The following LRP1B variants were observed in gnomAD, a reference collection of about 807,000 sequenced individuals.
LRP1B encodes the protein low-density lipoprotein receptor-related protein 1B.
In LRP1B, 217 loss-of-function variants were observed where a neutral mutation model predicts 556.6. The observed-to-expected ratio is 0.39, with a 90% CI of 0.35 to 0.44. The LOEUF (loss-of-function observed/expected upper bound fraction) is 0.44, where lower values mean the gene tolerates loss of function less well. LRP1B is among the 20% of genes least tolerant of loss of function. The pLI is 1.00. For missense variants in LRP1B, 5,053 were observed against 5,620.8 expected, an observed-to-expected ratio of 0.90 and a Z score of 3.23; for synonymous variants, 2,047 against 1,865.8, an observed-to-expected ratio of 1.10 and a Z score of -2.50.
At chr2:140,825,913 T>C (rs59101965) in intron 31 of LRP1B, among the ~76,000 whole-genome samples, 70,995 of 152,034 alleles carry the variant, frequency 0.47, 18,256 homozygotes, top group East Asian at 0.58. Flanking sequence ...AATCAAATAC[T>C]GTCTTGGGTG....
intron 21 of LRP1B, among the ~76,000 whole-genome samples, chr2:140,916,741 T>C (rs1388310459): frequency 1.3e-5 from 2 of 152,232 alleles, no homozygotes; most frequent in Admixed American, 1.3e-4. Context: ...ACCTTCTCAG[T>C]CATTCTTCCT....
chr2:140,396,668 A>G (rs1185785190), intron 66 of LRP1B, among the ~76,000 whole-genome samples: 3 of 152,240 alleles, frequency 2.0e-5, no homozygotes, highest in African/African-American at 7.2e-5. Flanking sequence ...AGTAAACACT[A>G]TTTAATAGCT....
chr2:142,055,030 C>T (rs1056035531), intron 1 of LRP1B, among the ~76,000 whole-genome samples: 5 of 152,088 alleles, frequency 3.3e-5, no homozygotes, highest in Admixed American at 1.3e-4. Context: ...TCATTCATTC[C>T]GTCTTTGCCT....
chr2:140,485,906 T>G (rs1476492120), intron 58 of LRP1B, among the ~76,000 whole-genome samples: 2 of 150,700 alleles, frequency 1.3e-5, no homozygotes, highest in African/African-American at 4.9e-5. Context: ...TTATTTTTCT[T>G]TAACCAGTTT....
chr2:141,348,343 A>G (rs1688325906), intron 3 of LRP1B, among the ~76,000 whole-genome samples: 1 of 152,042 alleles, frequency 6.6e-6, no homozygotes, highest in African/African-American at 2.4e-5. Flanking sequence ...ATTATTTCAC[A>G]GTTTTAAAAT....
At chr2:140,642,501 C>T (rs1404482428) in intron 41 of LRP1B, among the ~76,000 whole-genome samples, 2 of 152,074 alleles carry the variant, frequency 1.3e-5, no homozygotes, top group African/African-American at 4.8e-5. Context: ...TCAGCACCTA[C>T]TGAGATGAAA....
chr2:140,924,883 C>A lies in LRP1B; in HGVS notation c.3137-1736G>T, dbSNP rs542229715. Among the ~76,000 whole-genome samples, 22 of 152,098 alleles carry A rather than the reference C, an allele frequency of 1.4e-4. No individual in the cohort carries two copies. The South Asian group carries it at 4.1e-3, about 29-fold the overall frequency. On this transcript the variant is annotated intron_variant, in intron 20 of 90. Coordinates refer to ENST00000389484, the MANE Select transcript of LRP1B (RefSeq NM_018557.3). The stretch of plus-strand genomic sequence containing the variant: ...GAGATATATATAAAATGTGATATAG[C>A]AATTTCCCACCATATTTATTTAGTG...
At chr2:141,257,022 A>T (rs1684490672) in intron 3 of LRP1B, among the ~76,000 whole-genome samples, 1 of 152,078 alleles carries the variant, frequency 6.6e-6, no homozygotes, top group Admixed American at 6.6e-5. Context: ...AAAGTACATA[A>T]GTGAAGAACC....
chr2:140,253,933 G>A (rs1681563618), intron 86 of LRP1B, among the ~76,000 whole-genome samples: 1 of 152,058 alleles, frequency 6.6e-6, no homozygotes, highest in Non-Finnish European at 1.5e-5. Flanking sequence ...CAAGATGAAG[G>A]CCAGTTCCAA....
At chr2:140,373,542 T>C (rs1325025348) in intron 68 of LRP1B, among the ~76,000 whole-genome samples, 1 of 152,126 alleles carries the variant, frequency 6.6e-6, no homozygotes, top group East Asian at 1.9e-4. Flanking sequence ...TCTGAGAGTA[T>C]CATTATTCAG....
intron 84 of LRP1B, among the ~76,000 whole-genome samples, chr2:140,282,334 T>A (rs1682948926): frequency 6.6e-6 from 1 of 151,802 alleles, no homozygotes; most frequent in African/African-American, 2.4e-5. Context: ...TTAGATGGTG[T>A]TACCCTCTTT....
At chr2:141,224,013 A>G (rs535856190) in intron 6 of LRP1B, among the ~76,000 whole-genome samples, 2 of 152,348 alleles carry the variant, frequency 1.3e-5, no homozygotes, top group East Asian at 3.9e-4. Flanking sequence ...CAATTGCAAC[A>G]AAAGCAAAAA....
intron 37 of LRP1B, among the ~76,000 whole-genome samples, 179 bp from the exon 38 acceptor site, chr2:140,702,732 A>C (rs914821278): frequency 2.0e-5 from 3 of 152,130 alleles, no homozygotes; most frequent in Non-Finnish European, 2.9e-5. Flanking sequence ...ATCGTAAAAA[A>C]ATAGTTAACC....
chr2:141,228,538 G>A (rs1683338995), intron 6 of LRP1B, among the ~76,000 whole-genome samples: 2 of 150,046 alleles, frequency 1.3e-5, no homozygotes, highest in Admixed American at 1.3e-4. Flanking sequence ...GGAGAGAGAA[G>A]GAGAGAGAGA....
intron 35 of LRP1B, among the ~76,000 whole-genome samples, chr2:140,730,695 G>T (rs1428821378): frequency 1.3e-5 from 2 of 152,036 alleles, no homozygotes; most frequent in African/African-American, 2.4e-5. Context: ...AAGTAGCTGG[G>T]ATTACAGGCA....
At chr2:141,577,454 T>A (rs1442097146) in intron 2 of LRP1B, among the ~76,000 whole-genome samples, 1 of 152,148 alleles carries the variant, frequency 6.6e-6, no homozygotes, top group Non-Finnish European at 1.5e-5. Flanking sequence ...AGATGGGAAA[T>A]TGAATTACAT....
chr2:140,763,612 C>T (rs1689003023), intron 35 of LRP1B, among the ~76,000 whole-genome samples: 1 of 152,060 alleles, frequency 6.6e-6, no homozygotes, highest in African/African-American at 2.4e-5. Flanking sequence ...TCTTCTTGTG[C>T]TTTTAATTTC....
At chr2:140,677,442 G>A in intron 41 of LRP1B, among the ~76,000 whole-genome samples, 1 of 152,008 alleles carries the variant, frequency 6.6e-6, no homozygotes, top group Non-Finnish European at 1.5e-5. Flanking sequence ...TTAGGAGGAG[G>A]CTTACTGAAC....
At chr2:140,270,182 G>C in intron 86 of LRP1B, 60 bp downstream of exon 86, 1 of 1,148,524 alleles carries the variant, frequency 8.7e-7, no homozygotes, top group Non-Finnish European at 1.3e-6. Flanking sequence ...AATAGAACAG[G>C]GATTTCATGT....
Sources: gnomAD v4.1 joint callset for allele counts (sites outside exome capture counted in the v4.1 genomes callset) on GRCh38, gnomAD v4.1.1 for gene constraint, MANE v1.5 for transcripts, NCBI Gene and HGNC (gene_info 2026-07-23, HGNC 2026-07-21) for gene names.